The following SREBF1 variants were observed in gnomAD, a reference collection of about 807,000 sequenced individuals.
SREBF1 encodes sterol regulatory element binding transcription factor 1, also known as sterol regulatory element-binding protein 1.
Under a neutral mutation model 100.1 loss-of-function variants are expected in SREBF1, and 45 were observed. The ratio of observed to expected loss-of-function variants is 0.45; its 90% CI spans 0.35 to 0.58. The LOEUF (loss-of-function observed/expected upper bound fraction) is 0.58. Among genes scored for constraint, SREBF1 ranks in the 20% least tolerant of loss-of-function variants. SREBF1 has a pLI of 0.00. For missense variants in SREBF1, 1,324 were observed against 1,539.4 expected, an observed-to-expected ratio of 0.86 and a Z score of 2.34; for synonymous variants, 657 against 681.8, an observed-to-expected ratio of 0.96 and a Z score of 0.57.
intron 1 of SREBF1, 24 bp from the exon 2 acceptor site, chr17:17,820,545 G>C: frequency 1.2e-6 from 2 of 1,611,290 alleles, no homozygotes; most frequent in Non-Finnish European, 1.7e-6. Context: ...AAGAGGGTGC[G>C]TGAGTGAGGC....
chr17:17,816,000 G>A lies in SREBF1; in HGVS notation c.2243C>T (p.Ala748Val). ...CACTGAGCCACTCTGTGCCAGGCAGGCCTGGCGGGCACTGCTCAGGAAGAA... is the reference window on the plus strand; with the variant it reads ...CACTGAGCCACTCTGTGCCAGGCAGACCTGGCGGGCACTGCTCAGGAAGAA... ...TRFFLSSARQ[A>V]CLAQSGSVPP... Residue 748 changes from alanine to valine, a missense_variant, in exon 12 of 19, where the codon GCC becomes GTC. Physicochemically the swap from Ala to Val is moderately conservative, Grantham distance 64. Transcript: ENST00000261646. The A allele has an allele frequency of 6.2e-7, 1 of 1,612,704 alleles. No homozygotes were observed. Among genetic ancestry groups the A allele is most frequent in the Non-Finnish European group, 8.5e-7 (1 of 1,179,868 alleles).
Position 17,819,440 on chromosome 17 carries a change from G to A in SREBF1, c.726C>T (p.Pro242=). The A allele has an allele frequency of 1.9e-6, 3 of 1,613,824 alleles. No individual in the cohort carries two copies. Among genetic ancestry groups the A allele is most frequent in the Non-Finnish European group, 2.5e-6 (3 of 1,180,044 alleles). The change falls in exon 4 of 19, where the codon CCC becomes CCT. Residue 242 remains proline, a synonymous_variant. Transcript: ENST00000261646. The stretch of plus-strand genomic sequence containing the variant: ...GCAGCGAGTCTGCCTTGATGAAGTG[G>A]GGCTGCAGCAGGACCTGAGGGTGGG... ...QIQQVPVLLQ[P]HFIKADSLLL...
At chr17:17,823,673 GC>G (rs767265515) in intron 1 of SREBF1, 12,548 of 1,041,602 alleles carry the variant, frequency 0.012, 85 homozygotes, top group Middle Eastern at 0.014. Flanking sequence ...GCCCCGCCCC[GC>G]CCCCAGCCCC....
intron 5 of SREBF1, 92 bp downstream of exon 5, chr17:17,818,921 C>G: frequency 7.0e-7 from 1 of 1,426,808 alleles, no homozygotes. Flanking sequence ...CTTGTCCAGG[C>G]TCAGTCTCAC....
chr17:17,813,829 G>T, intron 16 of SREBF1, 60 bp from the exon 17 acceptor site: 1 of 1,495,622 alleles, frequency 6.7e-7, no homozygotes. Context: ...GGGCAGGATG[G>T]GGGCCCGTGG....
intron 1 of SREBF1, among the ~76,000 whole-genome samples, chr17:17,833,548 G>A (rs1314283892): frequency 6.7e-6 from 1 of 149,480 alleles, no homozygotes; most frequent in African/African-American, 2.5e-5. Flanking sequence ...AAGTATAAGG[G>A]ATCTCACTGT....
chr17:17,836,776 C>T lies in SREBF1; in HGVS notation c.42G>A (p.Ala14=), dbSNP rs756058766. The T allele has an allele frequency of 6.4e-7, 1 of 1,566,958 alleles. No individual in the cohort carries two copies. The highest frequency in any genetic ancestry group is 8.6e-7 in the Non-Finnish European group (1 of 1,164,398). The change falls in exon 1 of 19, where the codon GCG becomes GCA. Residue 14 remains alanine, a synonymous_variant. Transcript: ENST00000261646. The stretch of plus-strand genomic sequence containing the variant: ...CGTCCAGATCGCACGGCTCGCCCAG[C>T]GCCTGCTCCAAAGCCGCCTCGCTGA... ...PPFSEAALEQ[A]LGEPCDLDAA... is the part of the protein sequence containing the mutation.
chr17:17,828,817 G>A (rs1304986785), intron 1 of SREBF1, among the ~76,000 whole-genome samples: 2 of 152,120 alleles, frequency 1.3e-5, no homozygotes, highest in African/African-American at 4.8e-5. Context: ...TGGAGGCTGA[G>A]GTGGGAGGAT....
Position 17,819,047 on chromosome 17 carries a change from T to A in SREBF1, c.1034A>T (p.Glu345Val), listed in dbSNP as rs747766684. Residue 345 changes from glutamate to valine, a missense_variant, in exon 5 of 19, where the codon GAG becomes GTG. Glu to Val is a moderately radical substitution (Grantham distance 121). Coordinates refer to ENST00000261646, the MANE Select transcript of SREBF1 (RefSeq NM_004176.5). ...AGTGCCCACCACCAGATCCTTGAGC[T>A]CAATGATTTTGTCATTGATGGAGGA... is the stretch of plus-strand genomic sequence containing the variant. ...YRSSINDKII[E>V]LKDLVVGTEA... 6.2e-7 allele frequency: 1 copy of A among 1,613,872 alleles called. No individual in the cohort carries two copies. Among genetic ancestry groups the A allele is most frequent in the South Asian group, 1.1e-5 (1 of 91,086 alleles).
Position 17,818,345 on chromosome 17 carries a change from G to A in SREBF1, c.1098C>T (p.Ala366=). The change falls in exon 6 of 19, where the codon GCC becomes GCT. Residue 366 remains alanine, a synonymous_variant. Transcript: ENST00000261646. ...GTTGCAGAAAGCGAATGTAGTCGATGGCCTTGCGCAAGACAGCAGATTTAT... is the reference window on the plus strand; with the variant it reads ...GTTGCAGAAAGCGAATGTAGTCGATAGCCTTGCGCAAGACAGCAGATTTAT... ...KLNKSAVLRK[A]IDYIRFLQHS... The A allele has an allele frequency of 6.2e-7, 1 of 1,613,754 alleles. No homozygotes were observed. The highest frequency in any genetic ancestry group is 1.1e-5 in the South Asian group (1 of 91,052).
intron 1 of SREBF1, chr17:17,823,617 C>A (rs769315699): frequency 5.0e-6 from 8 of 1,607,048 alleles, no homozygotes; most frequent in Admixed American, 1.7e-5. Context: ...CCTGTCAAGG[C>A]GCGGCGGATT....
chr17:17,814,791 C>G, intron 14 of SREBF1, 44 bp from the exon 15 acceptor site: 2 of 1,609,596 alleles, frequency 1.2e-6, no homozygotes, highest in Non-Finnish European at 1.7e-6. Flanking sequence ...TCACGCTGCA[C>G]GGGGGAGCTG....
At position 17,812,221 on chromosome 17, in the gene SREBF1, A is replaced by G. The variant is rs1187585004; in HGVS notation, c.*401T>C. 2.5e-6 allele frequency: 1 copy of G among 395,740 alleles called. No individual in the cohort carries two copies. The highest frequency in any genetic ancestry group is 4.7e-6 in the Non-Finnish European group (1 of 214,542). 24.5% of individuals were successfully genotyped at this position (395,740 alleles called of 1,614,324 possible). On this transcript the variant is annotated 3_prime_UTR_variant, in exon 19 of 19. Transcript: ENST00000261646. ...ACTATGTACACGTCTCTCTCCCACGACGGAGAGAGAGGCCTCTGGGGCAGA... is the reference window on the plus strand; with the variant it reads ...ACTATGTACACGTCTCTCTCCCACGGCGGAGAGAGAGGCCTCTGGGGCAGA...
intron 1 of SREBF1, 43 bp downstream of exon 1, chr17:17,836,684 G>C (rs762259135): frequency 7.8e-6 from 12 of 1,531,960 alleles, no homozygotes; most frequent in Admixed American, 2.0e-5. Flanking sequence ...CCCCCTACTC[G>C]CGCCACCCGG....
chr17:17,818,568 A>T (rs2033835989), intron 5 of SREBF1, 194 bp from the exon 6 acceptor site: 1 of 621,458 alleles, frequency 1.6e-6, no homozygotes, highest in Admixed American at 2.2e-5. Context: ...ATAGGGTTAG[A>T]ATGTAAGATG....
chr17:17,812,440 C>G lies in SREBF1; in HGVS notation c.*182G>C. On this transcript the variant is annotated 3_prime_UTR_variant, in exon 19 of 19. Coordinates refer to ENST00000261646, the MANE Select transcript of SREBF1 (RefSeq NM_004176.5). ...GGTCAGCACCATCATGGCCGCCGGTCTTAGGGTCAAGATCGCGCCCCTCGG... is the reference window on the plus strand; with the variant it reads ...GGTCAGCACCATCATGGCCGCCGGTGTTAGGGTCAAGATCGCGCCCCTCGG... 1.5e-6 allele frequency: 1 copy of G among 679,310 alleles called. No individual in the cohort carries two copies. The highest frequency in any genetic ancestry group is 1.9e-5 in the South Asian group (1 of 53,324). The allele number at this position is 679,310 out of a possible 1,614,324, so 42.1% of individuals were successfully genotyped here.
Position 17,812,159 on chromosome 17 carries a change from G to T in SREBF1, c.*463C>A, listed in dbSNP as rs902932457. On this transcript the variant is annotated 3_prime_UTR_variant, in exon 19 of 19. Coordinates refer to ENST00000261646, the MANE Select transcript of SREBF1 (RefSeq NM_004176.5). Reference sequence around the variant, plus strand: ...AGTTTGCAAAAGGCAAAGTAGCACAGGAGCCTCAGGTCAGGAGGCTAAGCA... The same window carrying T: ...AGTTTGCAAAAGGCAAAGTAGCACATGAGCCTCAGGTCAGGAGGCTAAGCA... 2.3e-6 allele frequency: 1 copy of T among 431,522 alleles called. No individual in the cohort carries two copies. The highest frequency in any genetic ancestry group is 4.4e-6 in the Non-Finnish European group (1 of 226,784). 26.7% of individuals were successfully genotyped at this position (431,522 alleles called of 1,614,324 possible).
chr17:17,828,919 A>C (rs551455878), intron 1 of SREBF1, among the ~76,000 whole-genome samples: 1 of 151,482 alleles, frequency 6.6e-6, no homozygotes, highest in South Asian at 2.1e-4. Context: ...GTCTCTAAAA[A>C]CAAACTGGCT....
In SREBF1 at chr17:17,820,199, C is replaced by A; in HGVS notation, c.414G>T (p.Gln138His). 1 of 1,613,394 alleles carries A rather than the reference C, an allele frequency of 6.2e-7. No homozygotes were observed. Among genetic ancestry groups the A allele is most frequent in the Non-Finnish European group, 8.5e-7 (1 of 1,179,842 alleles). Reference protein sequence around the residue: ...PLSILQTPTPQPLPGALLPQS... With the variant: ...PLSILQTPTPHPLPGALLPQS... ...GTGGCAGGAGGGCCCCTGGCAGGGG[C>A]TGTGGGGTGGGGGTCTGCAGGATGC... The change falls in exon 2 of 19, where the codon CAG (glutamine) becomes CAT (histidine). Residue 138 changes from glutamine to histidine, a missense_variant. Coordinates refer to ENST00000261646, the MANE Select transcript of SREBF1 (RefSeq NM_004176.5).
Sources: allele counts gnomAD v4.1 joint callset (sites outside exome capture counted in the v4.1 genomes callset), GRCh38; gene constraint gnomAD v4.1.1; transcripts MANE v1.5; gene names NCBI Gene and HGNC (gene_info 2026-07-23, HGNC 2026-07-21).